The following ZPLD1 variants were observed in gnomAD, a reference collection of about 807,000 sequenced individuals.
The protein encoded by ZPLD1 is zona pellucida-like domain-containing protein 1.
A neutral mutation model predicts 47.2 loss-of-function variants in ZPLD1; 34 were observed. That is an observed-to-expected ratio of 0.72 (90% CI 0.55 to 0.96). The LOEUF (loss-of-function observed/expected upper bound fraction) is 0.96, where lower values mean the gene tolerates loss of function less well. ZPLD1 is among the 40% of genes least tolerant of loss of function. The pLI is 0.00. For missense variants in ZPLD1, 512 were observed against 505.8 expected (o/e 1.01, Z -0.12); for synonymous variants, 176 against 186.2 (o/e 0.95, Z 0.45).
chr3:102,474,541 C>T (rs888836243), intron 10 of ZPLD1, among the ~76,000 whole-genome samples: 3 of 151,726 alleles, frequency 2.0e-5, no homozygotes, highest in Admixed American at 2.0e-4. Flanking sequence ...GTAAAAAGGT[C>T]GGTGCTTATT....
chr3:102,427,278 A>G (rs566927330), intron 8 of ZPLD1, among the ~76,000 whole-genome samples: 167 of 152,286 alleles, frequency 1.1e-3, no homozygotes, highest in African/African-American at 3.8e-3. Context: ...TTTTAATTTT[A>G]CCATTTTTGT....
chr3:102,440,731 G>GGA (rs1559752223), intron 3 of ZPLD1, among the ~76,000 whole-genome samples: 1 of 112,870 alleles, frequency 8.9e-6, no homozygotes, highest in Admixed American at 9.8e-5. Flanking sequence ...TTGTGATTGG[G>GGA]AAAAAAAAAA....
Position 102,462,265 on chromosome 3 carries a change from A to T in ZPLD1, c.583-16A>T. 11 of 1,543,706 alleles carry T rather than the reference A, an allele frequency of 7.1e-6. No homozygotes were observed. Among genetic ancestry groups the T allele is most frequent in the Middle Eastern group, 1.8e-4 (1 of 5,558 alleles). ...TTGGGGAGGTAATAATAGATTTTTTATTGTTTCATCATTAGGATTCAACCT... is the reference window on the plus strand; with the variant it reads ...TTGGGGAGGTAATAATAGATTTTTTTTTGTTTCATCATTAGGATTCAACCT... On this transcript the variant is annotated splice_polypyrimidine_tract_variant and intron_variant, in intron 6 of 11. Transcript: ENST00000466937.
At chr3:102,467,836 TACAC>T (rs61096565) in intron 8 of ZPLD1, among the ~76,000 whole-genome samples, 5,819 of 140,902 alleles carry the variant, frequency 0.041, 226 homozygotes, top group African/African-American at 0.1. Context: ...AATAAAACTG[TACAC>T]ACACACACAC....
rs60085952 is a variant in ZPLD1, at chr3:102,435,637, A to ATT, written c.-123+503_-123+504dup. 2.2e-3 allele frequency among the ~76,000 whole-genome samples: 264 copies of ATT among 117,358 alleles called. 3 individuals carry two copies. The highest frequency in any genetic ancestry group is 5.5e-3 in the African/African-American group (161 of 29,192). The allele number at this position is 117,358 out of a possible 152,430, so 77.0% of individuals were successfully genotyped here. A position where few individuals can be genotyped will look rare whatever the true frequency, so the allele number is the denominator to read the frequency against. ...TGTAAAGTCTATGATCATCATCTTG[A>ATT]TTTTTTTTTTTTTTTTTTTTTCTGA... On this transcript the variant is annotated intron_variant, in intron 1 of 11. Transcript: ENST00000466937.
At chr3:102,426,280 G>T (rs62274732) in intron 8 of ZPLD1, among the ~76,000 whole-genome samples, 20,020 of 152,116 alleles carry the variant, frequency 0.13, 1,392 homozygotes, top group Middle Eastern at 0.18. Context: ...CACTTTGGGA[G>T]GCTGAGGCAG....
intron 8 of ZPLD1, among the ~76,000 whole-genome samples, chr3:102,429,816 A>T (rs944349052): frequency 2.6e-5 from 4 of 152,166 alleles, no homozygotes; most frequent in African/African-American, 9.7e-5. Flanking sequence ...ATACATAGAT[A>T]AAAAAGATGA....
chr3:102,476,296 G>A (rs114834656), intron 10 of ZPLD1, among the ~76,000 whole-genome samples: 2,176 of 152,148 alleles, frequency 0.014, 53 homozygotes, highest in African/African-American at 0.05. Context: ...ATATGAGCTC[G>A]TACAAGCTCC....
intron 5 of ZPLD1, 79 bp from the exon 6 acceptor site, chr3:102,457,702 G>A: frequency 7.9e-7 from 1 of 1,269,114 alleles, no homozygotes; most frequent in South Asian, 1.2e-5. Context: ...AGGAGTTTTA[G>A]TGCTTTAAGT....
chr3:102,429,997 AAT>A (rs1425059577), intron 8 of ZPLD1, among the ~76,000 whole-genome samples: 6 of 152,146 alleles, frequency 3.9e-5, no homozygotes, highest in Non-Finnish European at 1.5e-5. Flanking sequence ...TAATATTTTA[AAT>A]ATGTTTACTT....
rs371985380 is a variant in ZPLD1 at position 102,477,034 on chromosome 3, G to C, written c.1065G>C (p.Ser355=). ...CAGATGAGACTCCAACCAACAATTC[G>C]CAACTTGGTAAGATAATTAACATAT... ...TRSDETPTNN[S]QLGSPSMPPF... The change falls in exon 11 of 12, where the codon TCG becomes TCC. Residue 355 remains serine (S), a synonymous_variant. Transcript: ENST00000466937. The C allele has an allele frequency of 1.4e-5, 22 of 1,613,240 alleles. No individual in the cohort carries two copies. Among genetic ancestry groups the C allele is most frequent in the African/African-American group, 2.7e-5 (2 of 74,814 alleles).
intron 7 of ZPLD1, among the ~76,000 whole-genome samples, chr3:102,414,556 G>T (rs1032270669): frequency 3.3e-5 from 5 of 151,754 alleles, no homozygotes; most frequent in African/African-American, 1.2e-4. Flanking sequence ...ATAAGGAAAT[G>T]CCTTACAAAT....
In ZPLD1 at chr3:102,456,195, A is replaced by C; in HGVS notation, c.330A>C (p.Val110=). The C allele has an allele frequency of 6.2e-7, 1 of 1,611,678 alleles. No individual in the cohort carries two copies. The highest frequency in any genetic ancestry group is 1.1e-5 in the South Asian group (1 of 90,404). The change falls in exon 5 of 12, where the codon GTA becomes GTC. Residue 110 remains valine, a splice_region_variant and synonymous_variant. Coordinates refer to ENST00000466937, the MANE Select transcript of ZPLD1 (RefSeq NM_001329788.2). The stretch of plus-strand genomic sequence containing the variant: ...AACTGCATCTAACATTCTAACAGGT[A>C]TCCACAATTCCTGGAGTCAGTGCTT... ...TLEGCGNNLV[V]STIPGVSAYG... is the part of the protein sequence containing the mutation.
At chr3:102,456,579 ATCT>A (rs1268995306) in intron 5 of ZPLD1, among the ~76,000 whole-genome samples, 2 of 136,358 alleles carry the variant, frequency 1.5e-5, no homozygotes, top group African/African-American at 2.6e-5. Flanking sequence ...CTATCTATCT[ATCT>A]ATCTATCTAT....
chr3:102,400,718 A>G (rs1251624794), intron 7 of ZPLD1, among the ~76,000 whole-genome samples: 1 of 152,002 alleles, frequency 6.6e-6, no homozygotes, highest in East Asian at 1.9e-4. Context: ...TGTGATGCTC[A>G]AGGGTAGAGA....
chr3:102,403,744 G>A (rs1368141316), intron 7 of ZPLD1, among the ~76,000 whole-genome samples: 4 of 151,870 alleles, frequency 2.6e-5, no homozygotes, highest in Non-Finnish European at 2.9e-5. Context: ...TTGAGTGGTA[G>A]GTGGGCCATA....
chr3:102,390,228 C>G (rs1166552519), intron 6 of ZPLD1, among the ~76,000 whole-genome samples: 1 of 152,108 alleles, frequency 6.6e-6, no homozygotes, highest in Non-Finnish European at 1.5e-5. Flanking sequence ...TAGGCCCTAA[C>G]AAATAAACAC....
chr3:102,472,615 AATT>A (rs1314281382), intron 10 of ZPLD1, among the ~76,000 whole-genome samples: 1 of 152,112 alleles, frequency 6.6e-6, no homozygotes, highest in Non-Finnish European at 1.5e-5. Context: ...TGGCTCATAG[AATT>A]ACATTGAATG....
chr3:102,466,884 A>T (rs1707601585), intron 8 of ZPLD1, among the ~76,000 whole-genome samples: 1 of 152,066 alleles, frequency 6.6e-6, no homozygotes, highest in Non-Finnish European at 1.5e-5. Context: ...TCCCCCCAAA[A>T]GCCAAAATAA....
Sources: gnomAD v4.1 joint callset for allele counts (sites outside exome capture counted in the v4.1 genomes callset) on GRCh38, gnomAD v4.1.1 for gene constraint, MANE v1.5 for transcripts, NCBI Gene and HGNC (gene_info 2026-07-23, HGNC 2026-07-21) for gene names.